Variants in HSPG2 observed in about 807,000 individuals in gnomAD.
HSPG2 encodes the protein heparan sulfate proteoglycan 2.
Under a neutral mutation model 526.6 loss-of-function variants are expected in HSPG2, and 278 were observed. The ratio of observed to expected loss-of-function variants is 0.53; its 90% CI spans 0.48 to 0.58. HSPG2 has a LOEUF of 0.58. Ranked by LOEUF, HSPG2 falls within the 20% of genes least tolerant of loss-of-function variation. The pLI, the probability that HSPG2 is intolerant of heterozygous loss-of-function variation, is 0.00. For missense variants in HSPG2, 5,354 were observed against 6,099.5 expected, an observed-to-expected ratio of 0.88 and a Z score of 4.07; for synonymous variants, 2,465 against 2,555.4, an observed-to-expected ratio of 0.96 and a Z score of 1.07.
intron 1 of HSPG2, among the ~76,000 whole-genome samples, chr1:21,900,458 C>T (rs1419688693): frequency 2.0e-5 from 3 of 152,112 alleles, no homozygotes; most frequent in African/African-American, 4.8e-5. Context: ...CTGGTGAGAA[C>T]GAGGGTCACA....
chr1:21,890,239 G>A lies in HSPG2; in HGVS notation c.414-98C>T. On this transcript the variant is annotated intron_variant, in intron 5 of 96. Coordinates refer to ENST00000374695, the MANE Select transcript of HSPG2 (RefSeq NM_005529.7). The surrounding 1 kb of genome is among the most constrained non-coding windows in gnomAD (Gnocchi z 4.1). ...GCCCCGACGCTCAGGCCCTGTTCCG[G>A]GACAGCCTGTACCCAAAGAAGGGCA... 2 of 1,482,126 alleles carry A rather than the reference G, an allele frequency of 1.3e-6. No individual in the cohort carries two copies. The highest frequency in any genetic ancestry group is 1.9e-6 in the Non-Finnish European group (2 of 1,065,262). 91.8% of individuals were successfully genotyped at this position (1,482,126 alleles called of 1,614,324 possible).
chr1:21,896,184 T>A lies in HSPG2; in HGVS notation c.190A>T (p.Ile64Phe). 6.2e-7 allele frequency: 1 copy of A among 1,613,884 alleles called. No homozygotes were observed. Among genetic ancestry groups the A allele is most frequent in the Non-Finnish European group, 8.5e-7 (1 of 1,179,968 alleles). The change falls in exon 2 of 97, where the codon ATC (isoleucine) becomes TTC (phenylalanine). Residue 64 changes from isoleucine (I) to phenylalanine (F), a missense_variant. Physicochemically the swap from Ile to Phe is conservative, Grantham distance 21 (BLOSUM62 0). Transcript: ENST00000374695. ...TGGATCCTTGGCTCACCTCCTGAGA[T>A]GCTGTCAGCCAGCATGTCCTCATCA... ...SDDEDMLADSISGDDLGSGDL... is the reference protein window; with the variant it reads ...SDDEDMLADSFSGDDLGSGDL...
rs62642511 is a variant in HSPG2 at position 21,842,083 on chromosome 1, C to T, written c.9112G>A (p.Asp3038Asn). Reference sequence around the variant, plus strand: ...TGGATGAGGCACTTGAAGCTGGCATCCTGGCCCTGCTGCACGGTGCTGCTG... The same window carrying T: ...TGGATGAGGCACTTGAAGCTGGCATTCTGGCCCTGCTGCACGGTGCTGCTG... ...PPSSTVQQGQ[D>N]ASFKCLIHDG... The change falls in exon 69 of 97, where the codon GAT (aspartate) becomes AAT (asparagine). Residue 3038 changes from aspartate (D) to asparagine (N), a missense_variant. Coordinates refer to ENST00000374695, the MANE Select transcript of HSPG2 (RefSeq NM_005529.7). 47 of 1,613,584 alleles carry T rather than the reference C, an allele frequency of 2.9e-5. No individual in the cohort carries two copies. The highest frequency in any genetic ancestry group is 3.9e-5 in the Non-Finnish European group (46 of 1,180,032).
At chr1:21,886,953 C>T (rs1489082655) in intron 9 of HSPG2, among the ~76,000 whole-genome samples, 3 of 152,230 alleles carry the variant, frequency 2.0e-5, no homozygotes, top group African/African-American at 7.2e-5. Context: ...GAGACACGAA[C>T]CACAGGCAGG....
rs779193441 is a variant in HSPG2, at chr1:21,898,255, C to A, written c.64-1945G>T. Among the ~76,000 whole-genome samples the A allele has an allele frequency of 6.6e-6, 1 of 152,112 alleles. No homozygotes were observed. Among genetic ancestry groups the A allele is most frequent in the Non-Finnish European group, 1.5e-5 (1 of 68,012 alleles). ...TGCCATTTGTTCATCTTTGTGTTTGCGGTGCTCTCAGACCTTGGGGAAGGT... is the reference window on the plus strand; with the variant it reads ...TGCCATTTGTTCATCTTTGTGTTTGAGGTGCTCTCAGACCTTGGGGAAGGT... On this transcript the variant is annotated intron_variant, in intron 1 of 96. Transcript: ENST00000374695. This position sits in a 1 kb window ranked among gnomAD's most constrained non-coding sequence, Gnocchi z 4.0.
rs770386216 is a variant in HSPG2 at position 21,829,589 on chromosome 1, G to T, written c.11786C>A (p.Thr3929Asn). The stretch of plus-strand genomic sequence containing the variant: ...GGAGCCAGCACCCGACAGCGAGGGG[G>T]TGGTCACTGTCACACCTGCAGCAGC... The part of the protein sequence containing the change: ...LRCEEGVTVT[T>N]PSLSGAGSYL... The change falls in exon 87 of 97, where the codon ACC (threonine) becomes AAC (asparagine). Residue 3929 changes from threonine (T) to asparagine (N), a missense_variant. By Grantham distance (65) the Thr-to-Asn change is moderately conservative. Transcript: ENST00000374695. 15 of 1,606,546 alleles carry T rather than the reference G, an allele frequency of 9.3e-6. No homozygotes were observed. Among genetic ancestry groups the T allele is most frequent in the Non-Finnish European group, 1.3e-5 (15 of 1,175,714 alleles).
chr1:21,847,663 C>G lies in HSPG2; in HGVS notation c.8025+26G>C. The G allele has an allele frequency of 3.1e-6, 5 of 1,601,584 alleles. No individual in the cohort carries two copies. In the South Asian group the frequency reaches 3.3e-5, roughly 11 times the overall value. ...CACCCCAGGAGACCATGGTTCCACC[C>G]CCGCTGCTGTGGCTCCACTCTGTAC... On this transcript the variant is annotated intron_variant, in intron 61 of 96. Transcript: ENST00000374695. This position sits in a 1 kb window ranked among gnomAD's most constrained non-coding sequence, Gnocchi z 4.1.
intron 91 of HSPG2, among the ~76,000 whole-genome samples, chr1:21,826,535 C>T (rs968279395): frequency 4.0e-5 from 6 of 149,982 alleles, no homozygotes; most frequent in Admixed American, 6.6e-5. Flanking sequence ...GAGGGAGTTT[C>T]GCTCTTGTTG....
Position 21,830,177 on chromosome 1 carries a change from C to T in HSPG2, c.11672-86G>A, listed in dbSNP as rs528204035. ...GATGCCAGAGGTCTGCCCATCACAC[C>T]CCGGGGGGCTGGGCTAGTGAGGGCC... On this transcript the variant is annotated intron_variant, in intron 85 of 96. Coordinates refer to ENST00000374695, the MANE Select transcript of HSPG2 (RefSeq NM_005529.7). 3.9e-4 allele frequency: 432 copies of T among 1,109,440 alleles called. No individual in the cohort carries two copies. The African/African-American group carries it at 5.9e-3, about 15-fold the overall frequency. 68.7% of individuals were successfully genotyped at this position (1,109,440 alleles called of 1,614,324 possible).
At chr1:21,867,106 A>G (rs1405680050) in intron 33 of HSPG2, among the ~76,000 whole-genome samples, 19 of 92,476 alleles carry the variant, frequency 2.1e-4, no homozygotes, top group South Asian at 1.0e-3. Flanking sequence ...GGGTCGCCCT[A>G]TGTTGCTCAG....
Position 21,852,137 on chromosome 1 carries a change from G to A in HSPG2, c.6821C>T (p.Ala2274Val). Residue 2274 changes from alanine to valine, a missense_variant, in exon 53 of 97, where the codon GCC becomes GTC. Physicochemically the swap from Ala to Val is moderately conservative, Grantham distance 64. Transcript: ENST00000374695. ...CCCACGCTTGTACCATGTGACCTGG[G>A]CGTGGGCCTGCCCTGCCACCACGCA... is the stretch of plus-strand genomic sequence containing the variant. The part of the protein sequence containing the change: ...LSCVVAGQAH[A>V]QVTWYKRGGS... 6.2e-7 allele frequency: 1 copy of A among 1,613,880 alleles called. No homozygotes were observed. Among genetic ancestry groups the A allele is most frequent in the Non-Finnish European group, 8.5e-7 (1 of 1,180,050 alleles).
At chr1:21,869,483 A>G in intron 33 of HSPG2, 3 of 987,324 alleles carry the variant, frequency 3.0e-6, no homozygotes, top group Non-Finnish European at 3.6e-6. Flanking sequence ...CCTGGTGAGA[A>G]AGACAGAGAA....
At position 21,829,068 on chromosome 1, in the gene HSPG2, G is replaced by C. The variant is rs140403186; in HGVS notation, c.12004C>G (p.Leu4002Val). The C allele has an allele frequency of 8.4e-4, 1,301 of 1,540,970 alleles. 11 individuals carry two copies. In the African/African-American group the frequency reaches 0.016, roughly 19 times the overall value. Residue 4002 changes from leucine (L) to valine (V), a missense_variant, in exon 88 of 97, where the codon CTG becomes GTG. By Grantham distance (32) the Leu-to-Val change is conservative. Transcript: ENST00000374695. ...RYELGSGLAV[L>V]RSAEPLALGR... ...AGGGCCAGCGGCTCGGCGCTCCGCA[G>C]AACGGCCAGCCCTGGGGAGGATGCC...
In HSPG2 at chr1:21,864,901, C is replaced by G. The variant is rs147633715; in HGVS notation, c.4568G>C (p.Arg1523Pro). ...VAQPGPSNRPRALEVEECRCP... is the reference protein window; with the variant it reads ...VAQPGPSNRPPALEVEECRCP... ...GCGGCACTCCTCCACCTCGAGGGCG[C>G]GGGGTCTGTTTGAGGGCCCCGGCTG... Residue 1523 changes from arginine to proline, a missense_variant, in exon 36 of 97, where the codon CGC (arginine) becomes CCC (proline). By Grantham distance (103) the Arg-to-Pro change is moderately radical (BLOSUM62 -2). Coordinates refer to ENST00000374695, the MANE Select transcript of HSPG2 (RefSeq NM_005529.7). This position sits in a 1 kb window ranked among gnomAD's most constrained non-coding sequence, Gnocchi z 4.8. 1 of 1,610,236 alleles carries G rather than the reference C, an allele frequency of 6.2e-7. No individual in the cohort carries two copies. Among genetic ancestry groups the G allele is most frequent in the Non-Finnish European group, 8.5e-7 (1 of 1,179,400 alleles).
At position 21,887,323 on chromosome 1, in the gene HSPG2, G is replaced by C. The variant is rs140560655; in HGVS notation, c.970C>G (p.Pro324Ala). 13 of 1,613,954 alleles carry C rather than the reference G, an allele frequency of 8.1e-6. No homozygotes were observed. Among genetic ancestry groups the C allele is most frequent in the African/African-American group, 1.3e-5 (1 of 74,922 alleles). ...SDELDCGPPPPCEPNEFPCGN... is the reference protein window; with the variant it reads ...SDELDCGPPPACEPNEFPCGN... ...CAGGGGAACTCGTTGGGCTCACAGG[G>C]TGGCGGGGGGCCTAGGAGACCGGGC... Residue 324 changes from proline to alanine, a missense_variant, in exon 9 of 97, where the codon CCC becomes GCC. Pro to Ala is a conservative substitution (Grantham distance 27, BLOSUM62 -1). Coordinates refer to ENST00000374695, the MANE Select transcript of HSPG2 (RefSeq NM_005529.7). This position sits in a 1 kb window ranked among gnomAD's most constrained non-coding sequence, Gnocchi z 5.0.
chr1:21,829,937 C>A, intron 86 of HSPG2, 56 bp downstream of exon 86: 1 of 1,447,272 alleles, frequency 6.9e-7, no homozygotes, highest in South Asian at 1.2e-5. Context: ...AGTGCCCCAC[C>A]CAGCCTCCCC....
At position 21,839,621 on chromosome 1, in the gene HSPG2, G is replaced by A; in HGVS notation, c.9710-71C>T. ...GGGACCCGCAGAGGGTGGCCATGGT[G>A]AGGAAGGGCCCTGGGTGATCCTGTC... On this transcript the variant is annotated intron_variant, in intron 72 of 96. Transcript: ENST00000374695. The surrounding 1 kb of genome is among the most constrained non-coding windows in gnomAD (Gnocchi z 4.5). The A allele has an allele frequency of 6.4e-7, 1 of 1,550,924 alleles. No individual in the cohort carries two copies. Among genetic ancestry groups the A allele is most frequent in the African/African-American group, 1.4e-5 (1 of 73,626 alleles).
rs1201169604 is a variant in HSPG2, at chr1:21,887,632, A to T, written c.746T>A (p.Val249Glu). The change falls in exon 8 of 97, where the codon GTG becomes GAG. Residue 249 changes from valine to glutamate, a missense_variant. Val to Glu is a moderately radical substitution (Grantham distance 121). Coordinates refer to ENST00000374695, the MANE Select transcript of HSPG2 (RefSeq NM_005529.7). This position sits in a 1 kb window ranked among gnomAD's most constrained non-coding sequence, Gnocchi z 5.0. ...LGISPTFSLL[V>E]ETTSLPPRPE... ...CCGGGGCGGTAAAGATGTCGTCTCCACAAGGAGAGAGAATGTGGGGCTGAT... is the reference window on the plus strand; with the variant it reads ...CCGGGGCGGTAAAGATGTCGTCTCCTCAAGGAGAGAGAATGTGGGGCTGAT... 1 of 1,613,952 alleles carries T rather than the reference A, an allele frequency of 6.2e-7. No individual in the cohort carries two copies. Among genetic ancestry groups the T allele is most frequent in the Non-Finnish European group, 8.5e-7 (1 of 1,179,984 alleles).
chr1:21,936,809 C>T (rs544979008), intron 1 of HSPG2, among the ~76,000 whole-genome samples: 2 of 152,330 alleles, frequency 1.3e-5, no homozygotes, highest in African/African-American at 2.4e-5. Flanking sequence ...GCCAAGTTCC[C>T]ACCCTGCTCA....
Sources: allele counts gnomAD v4.1 joint callset (sites outside exome capture counted in the v4.1 genomes callset), GRCh38; gene constraint gnomAD v4.1.1; non-coding constraint Gnocchi (gnomAD v3.1); transcripts MANE v1.5; gene names NCBI Gene and HGNC (gene_info 2026-07-23, HGNC 2026-07-21).